Variants in MEIS2 observed in about 807,000 individuals in gnomAD.
MEIS2 encodes homeobox protein Meis2.
In MEIS2, 9 loss-of-function variants were observed where a neutral mutation model predicts 58.6. That is an observed-to-expected ratio of 0.15 (90% CI 0.09 to 0.27). The LOEUF is 0.27. Among genes scored for constraint, MEIS2 ranks in the 10% least tolerant of loss-of-function variants. The pLI, the probability that MEIS2 is intolerant of heterozygous loss-of-function variation, is 1.00. For missense variants in MEIS2, 427 were observed against 635.0 expected, an observed-to-expected ratio of 0.67 and a Z score of 3.52; for synonymous variants, 221 against 228.4, an observed-to-expected ratio of 0.97 and a Z score of 0.29.
At chr15:37,016,499 C>T (rs1383108298) in intron 8 of MEIS2, among the ~76,000 whole-genome samples, 1 of 151,638 alleles carries the variant, frequency 6.6e-6, no homozygotes, top group Non-Finnish European at 1.5e-5. Flanking sequence ...TCAACGGTAG[C>T]AACTTAAAAA....
intron 7 of MEIS2, among the ~76,000 whole-genome samples, chr15:37,062,075 G>T (rs1170088298): frequency 2.6e-5 from 4 of 152,170 alleles, no homozygotes; most frequent in African/African-American, 9.7e-5. Flanking sequence ...TTTTCACGCT[G>T]CCTGAGGAGC....
chr15:36,895,387 G>C (rs914470321), intron 10 of MEIS2, 126 bp from the exon 11 acceptor site: 1 of 751,902 alleles, frequency 1.3e-6, no homozygotes. Flanking sequence ...ACAAATGGGG[G>C]TGTGGTTTGT....
intron 8 of MEIS2, among the ~76,000 whole-genome samples, chr15:36,999,385 T>C (rs919827821): frequency 1.4e-4 from 21 of 152,328 alleles, no homozygotes; most frequent in African/African-American, 4.8e-4. Context: ...TAGTGATCAA[T>C]GCTTCCTCTT....
intron 2 of MEIS2, among the ~76,000 whole-genome samples, chr15:37,096,858 GT>G (rs1894321376): frequency 6.6e-6 from 1 of 152,102 alleles, no homozygotes; most frequent in South Asian, 2.1e-4. Context: ...AAAAAAAATA[GT>G]TTTAACTCTG....
chr15:37,046,551 T>C (rs1171733443), intron 7 of MEIS2, among the ~76,000 whole-genome samples: 2 of 152,104 alleles, frequency 1.3e-5, no homozygotes, highest in Admixed American at 1.3e-4. Flanking sequence ...GATGGACACA[T>C]ATGTAAATGT....
At chr15:37,070,501 AC>A (rs888017983) in intron 7 of MEIS2, among the ~76,000 whole-genome samples, 1 of 152,182 alleles carries the variant, frequency 6.6e-6, no homozygotes, top group Admixed American at 6.5e-5. Flanking sequence ...CACTTTGCAG[AC>A]TTGAAATGCA....
At chr15:36,967,208 C>T (rs1225792830) in intron 8 of MEIS2, among the ~76,000 whole-genome samples, 1 of 152,154 alleles carries the variant, frequency 6.6e-6, no homozygotes, top group Non-Finnish European at 1.5e-5. Flanking sequence ...TTTAAACGCT[C>T]ATGATATCAC....
intron 6 of MEIS2, 73 bp from the exon 7 acceptor site, chr15:37,083,958 C>T: frequency 7.4e-7 from 1 of 1,356,706 alleles, no homozygotes; most frequent in South Asian, 1.2e-5. Flanking sequence ...AAAGGAACGG[C>T]ACAGAAAGAG....
At chr15:36,917,055 A>G (rs891662077) in intron 9 of MEIS2, among the ~76,000 whole-genome samples, 8 of 152,310 alleles carry the variant, frequency 5.3e-5, no homozygotes, top group African/African-American at 1.7e-4. Flanking sequence ...GGGCTAGGAA[A>G]TTAGGAATAT....
intron 9 of MEIS2, among the ~76,000 whole-genome samples, chr15:36,924,171 T>C (rs1446845792): frequency 6.6e-6 from 1 of 152,148 alleles, no homozygotes; most frequent in African/African-American, 2.4e-5. Flanking sequence ...GGGCTATAAA[T>C]AATGGCGGGA....
chr15:36,999,734 T>G (rs2060653747), intron 8 of MEIS2, among the ~76,000 whole-genome samples: 1 of 152,196 alleles, frequency 6.6e-6, no homozygotes, highest in Non-Finnish European at 1.5e-5. Context: ...CTGATCAAAG[T>G]GAAATTTGAA....
chr15:37,068,738 A>C lies in MEIS2; in HGVS notation c.754+15033T>G, dbSNP rs535751161. Among the ~76,000 whole-genome samples, 3 of 152,338 alleles carry C rather than the reference A, an allele frequency of 2.0e-5. No homozygotes were observed. The South Asian group carries it at 6.2e-4, about 32-fold the overall frequency. On this transcript the variant is annotated intron_variant, in intron 7 of 11. Coordinates refer to ENST00000561208, the MANE Select transcript of MEIS2 (RefSeq NM_170675.5). ...CTAGAAAGAGGTCAGGTTTAAGTAA[A>C]ATCTTTTTTTTTTAGGAGTTACCTC...
At chr15:37,069,728 C>T (rs1448905784) in intron 7 of MEIS2, among the ~76,000 whole-genome samples, 1 of 152,104 alleles carries the variant, frequency 6.6e-6, no homozygotes, top group East Asian at 1.9e-4. Context: ...ATAAGAGAGT[C>T]AGCGAAAAAT....
chr15:37,089,344 C>T (rs963188171), intron 6 of MEIS2, among the ~76,000 whole-genome samples: 4 of 152,086 alleles, frequency 2.6e-5, no homozygotes, highest in Non-Finnish European at 4.4e-5. Flanking sequence ...TCACTTCCCT[C>T]TAATTTTTCA....
intron 7 of MEIS2, among the ~76,000 whole-genome samples, chr15:37,074,751 G>T (rs751245827): frequency 1.3e-5 from 2 of 151,972 alleles, no homozygotes; most frequent in African/African-American, 2.4e-5. Flanking sequence ...TGTAGTGACT[G>T]AATCTGGCAG....
intron 9 of MEIS2, among the ~76,000 whole-genome samples, chr15:36,936,352 C>A (rs1274801003): frequency 6.6e-6 from 1 of 152,182 alleles, no homozygotes; most frequent in Middle Eastern, 3.4e-3. Flanking sequence ...CCTGTCACCA[C>A]GCCCAGCTAA....
chr15:37,035,876 A>G (rs1306751606), intron 8 of MEIS2, among the ~76,000 whole-genome samples: 2 of 152,236 alleles, frequency 1.3e-5, no homozygotes, highest in African/African-American at 2.4e-5. Flanking sequence ...GGCAACACAC[A>G]AGTTGGATAA....
rs1490066417 is a variant in MEIS2 at position 36,892,094 on chromosome 15, G to C, written c.*79C>G. ...ACAGCTGTCTGGAATTTCATATTAA[G>C]TGTCAACATCTGGTCAAAGTTCAGA... On this transcript the variant is annotated 3_prime_UTR_variant, in exon 12 of 12. Coordinates refer to ENST00000561208, the MANE Select transcript of MEIS2 (RefSeq NM_170675.5). The C allele has an allele frequency of 7.1e-7, 1 of 1,416,210 alleles. No individual in the cohort carries two copies. The highest frequency in any genetic ancestry group is 9.8e-7 in the Non-Finnish European group (1 of 1,016,392). The allele number at this position is 1,416,210 out of a possible 1,614,324, so 87.7% of individuals were successfully genotyped here. A position where few individuals can be genotyped will look rare whatever the true frequency, so the allele number is the denominator to read the frequency against.
At chr15:36,975,330 C>G (rs1018548643) in intron 8 of MEIS2, among the ~76,000 whole-genome samples, 2 of 152,146 alleles carry the variant, frequency 1.3e-5, no homozygotes, top group Non-Finnish European at 2.9e-5. Flanking sequence ...GGTACAGATA[C>G]TTCCCAAAAG....
Sources: allele counts gnomAD v4.1 joint callset (sites outside exome capture counted in the v4.1 genomes callset), GRCh38; gene constraint gnomAD v4.1.1; transcripts MANE v1.5; gene names NCBI Gene and HGNC (gene_info 2026-07-23, HGNC 2026-07-21).